The following AREL1 variants were observed in gnomAD, a reference collection of about 807,000 sequenced individuals.
AREL1 encodes the protein apoptosis-resistant E3 ubiquitin protein ligase 1.
AREL1 carries 62 observed loss-of-function variants against 99.0 expected under a neutral mutation model. That is an observed-to-expected ratio of 0.63 (90% CI 0.51 to 0.77). The LOEUF is 0.77. Among genes scored for constraint, AREL1 ranks in the 30% least tolerant of loss-of-function variants. The pLI, the probability that AREL1 is intolerant of heterozygous loss-of-function variation, is 0.00. For synonymous variants in AREL1, 380 were observed against 376.5 expected (o/e 1.01, Z -0.11); for missense variants, 879 against 1,027.6 (o/e 0.86, Z 1.98).
At chr14:74,667,690 A>G (rs1216244715) in intron 15 of AREL1, 96 bp from the exon 16 acceptor site, 2 of 1,439,732 alleles carry the variant, frequency 1.4e-6, no homozygotes, top group African/African-American at 2.9e-5. Context: ...CAGATTACTG[A>G]CCTCCATCAC....
At chr14:74,699,687 A>C (rs8005525) in intron 1 of AREL1, among the ~76,000 whole-genome samples, 3,055 of 152,258 alleles carry the variant, frequency 0.02, 52 homozygotes, top group African/African-American at 0.048. Flanking sequence ...ATTCTTGTTT[A>C]TATCAATTAG....
chr14:74,663,542 C>A lies in AREL1; in HGVS notation c.*178G>T. 1 of 660,364 alleles carries A rather than the reference C, an allele frequency of 1.5e-6. No homozygotes were observed. The highest frequency in any genetic ancestry group is 1.7e-5 in the South Asian group (1 of 58,900). 40.9% of individuals were successfully genotyped at this position (660,364 alleles called of 1,614,324 possible). A position where few individuals can be genotyped will look rare whatever the true frequency, so the allele number is the denominator to read the frequency against. On this transcript the variant is annotated 3_prime_UTR_variant, in exon 20 of 20. Transcript: ENST00000356357. ...CAAAGTGGCCTGTGGTAGATATGGG[C>A]AGGGAGCAGGTGAGGTAAAGACAAG...
chr14:74,681,293 G>A (rs2089621093), intron 5 of AREL1, among the ~76,000 whole-genome samples: 1 of 152,104 alleles, frequency 6.6e-6, no homozygotes, highest in East Asian at 1.9e-4. Context: ...GTACTACTCA[G>A]CAGTAAAAAG....
intron 8 of AREL1, among the ~76,000 whole-genome samples, chr14:74,674,465 G>A (rs547907618): frequency 6.4e-4 from 97 of 152,162 alleles, no homozygotes; most frequent in Non-Finnish European, 1.0e-3. Context: ...AGCTGGGTGC[G>A]GTAGCTCATG....
chr14:74,674,702 G>T (rs2089432838), intron 8 of AREL1, among the ~76,000 whole-genome samples: 1 of 152,162 alleles, frequency 6.6e-6, no homozygotes, highest in Non-Finnish European at 1.5e-5. Context: ...TCTGGGATCA[G>T]GTTTTCACTT....
Position 74,663,879 on chromosome 14 carries a change from T to A in AREL1, c.2369+20A>T. 1 of 1,614,116 alleles carries A rather than the reference T, an allele frequency of 6.2e-7. No individual in the cohort carries two copies. On this transcript the variant is annotated intron_variant, in intron 19 of 19. Coordinates refer to ENST00000356357, the MANE Select transcript of AREL1 (RefSeq NM_001039479.2). ...TACCACCAAAAACACTGGGCATGCA[T>A]CAGGCGGGCAGATACCTACCATGTG... is the stretch of plus-strand genomic sequence containing the variant.
Position 74,705,189 on chromosome 14 carries a change from G to A in AREL1, c.-334+7744C>T, listed in dbSNP as rs1045694218. Among the ~76,000 whole-genome samples the A allele has an allele frequency of 7.2e-5, 11 of 152,154 alleles. 1 individual carries two copies. The highest frequency in any genetic ancestry group is 2.6e-4 in the Admixed American group (4 of 15,270). On this transcript the variant is annotated intron_variant, in intron 1 of 19. Transcript: ENST00000356357. ...CAAGTAGCTGGGATTATAGGCATGC[G>A]TCACCACGCCCAGCTAATTTTGTAT...
intron 8 of AREL1, among the ~76,000 whole-genome samples, chr14:74,675,177 C>T (rs1354460213): frequency 1.3e-5 from 2 of 152,158 alleles, no homozygotes; most frequent in African/African-American, 2.4e-5. Context: ...TTACCATCAC[C>T]CCTAGTCCAA....
chr14:74,677,585 C>T (rs35803151), intron 5 of AREL1, among the ~76,000 whole-genome samples: 4,128 of 136,584 alleles, frequency 0.03, 218 homozygotes, highest in African/African-American at 0.11. Flanking sequence ...CGGCTCACTG[C>T]AACCTCTGCC....
intron 1 of AREL1, among the ~76,000 whole-genome samples, chr14:74,694,886 C>T (rs1178284679): frequency 2.7e-5 from 4 of 149,866 alleles, no homozygotes; most frequent in African/African-American, 4.9e-5. Context: ...CTACTTGGGA[C>T]GCTGAGGCAG....
At position 74,662,808 on chromosome 14, in the gene AREL1, T is replaced by C; in HGVS notation, c.*912A>G. 1 of 389,496 alleles carries C rather than the reference T, an allele frequency of 2.6e-6. No homozygotes were observed. The highest frequency in any genetic ancestry group is 1.4e-4 in the South Asian group (1 of 6,938). 24.1% of individuals were successfully genotyped at this position (389,496 alleles called of 1,614,324 possible). ...CTGTTCTAATCTTTTGCTACAAAAT[T>C]TTCTTCAGTAGAATGCTAAAGGATC... On this transcript the variant is annotated 3_prime_UTR_variant, in exon 20 of 20. Transcript: ENST00000356357.
chr14:74,689,450 G>A (rs184980494), intron 2 of AREL1, among the ~76,000 whole-genome samples: 1 of 151,888 alleles, frequency 6.6e-6, no homozygotes, highest in East Asian at 1.9e-4. Context: ...TATTCTCTAT[G>A]CATGGAAAAT....
At chr14:74,665,043 C>CA (rs1258559512) in intron 17 of AREL1, 118 bp from the exon 18 acceptor site, 1 of 742,318 alleles carries the variant, frequency 1.3e-6, no homozygotes, top group Non-Finnish European at 2.2e-6. Flanking sequence ...AGGAAAAAGA[C>CA]AGAAGGTGAG....
rs544060194 is a variant in AREL1, at chr14:74,671,390, T to A, written c.1498+18A>T. On this transcript the variant is annotated intron_variant, in intron 12 of 19. Transcript: ENST00000356357. ...GGAGGAGAGTTCAAAAAGATGAATA[T>A]AAAATTTCAAAACTGACCTTCTTCA... is the stretch of plus-strand genomic sequence containing the variant. 4.4e-6 allele frequency: 5 copies of A among 1,136,848 alleles called. No individual in the cohort carries two copies. The African/African-American group carries it at 9.9e-5, about 23-fold the overall frequency. The allele number at this position is 1,136,848 out of a possible 1,614,324, so 70.4% of individuals were successfully genotyped here.
At chr14:74,669,357 T>C (rs1376473848) in intron 15 of AREL1, among the ~76,000 whole-genome samples, 2 of 152,140 alleles carry the variant, frequency 1.3e-5, no homozygotes, top group East Asian at 3.8e-4. Flanking sequence ...CTCGGTGGGA[T>C]AGATGGAGAT....
chr14:74,700,475 G>T (rs2090064340), intron 1 of AREL1, among the ~76,000 whole-genome samples: 1 of 152,202 alleles, frequency 6.6e-6, no homozygotes, highest in African/African-American at 2.4e-5. Context: ...ATTAAGCTCA[G>T]AAATATTTAA....
At chr14:74,679,115 G>T (rs2089567867) in intron 5 of AREL1, among the ~76,000 whole-genome samples, 1 of 152,170 alleles carries the variant, frequency 6.6e-6, no homozygotes, top group Admixed American at 6.5e-5. Context: ...GCCCAGGCCG[G>T]TCTTGAACTC....
intron 9 of AREL1, 141 bp downstream of exon 9, chr14:74,673,893 A>T: frequency 1.6e-6 from 1 of 616,386 alleles, no homozygotes; most frequent in Non-Finnish European, 2.8e-6. Context: ...GGAGATAATG[A>T]TGCTTTATTT....
At chr14:74,684,219 A>C (rs1023317288) in intron 4 of AREL1, among the ~76,000 whole-genome samples, 1 of 152,178 alleles carries the variant, frequency 6.6e-6, no homozygotes. Flanking sequence ...CTTTTCTGTA[A>C]TATTTTTCTT....
Sources: gnomAD v4.1 joint callset for allele counts (sites outside exome capture counted in the v4.1 genomes callset) on GRCh38, gnomAD v4.1.1 for gene constraint, MANE v1.5 for transcripts, NCBI Gene and HGNC (gene_info 2026-07-23, HGNC 2026-07-21) for gene names.